Variants in SFXN5 observed in about 807,000 individuals in gnomAD.
SFXN5 encodes sideroflexin 5.
In SFXN5, 43 loss-of-function variants were observed where a neutral mutation model predicts 50.2. The ratio of observed to expected loss-of-function variants is 0.86; its 90% confidence interval spans 0.67 to 1.11. The LOEUF is 1.11. Ranked by LOEUF, SFXN5 falls within the 50% of genes least tolerant of loss-of-function variation. The pLI, the probability that SFXN5 is intolerant of heterozygous loss-of-function variation, is 0.00. For missense variants in SFXN5, 463 were observed against 454.1 expected (o/e 1.02, Z -0.18); for synonymous variants, 203 against 185.8 (o/e 1.09, Z -0.75).
chr2:72,950,188 T>C lies in SFXN5; in HGVS notation c.946-5089A>G, dbSNP rs1440254517. ...AGCGGAGGGAACAAGCCTGTGATGGTGGCCTTGGGGGACCAGCCCGAGGAG... is the reference window on the plus strand; with the variant it reads ...AGCGGAGGGAACAAGCCTGTGATGGCGGCCTTGGGGGACCAGCCCGAGGAG... On this transcript the variant is annotated intron_variant, in intron 13 of 13. Coordinates refer to ENST00000272433, the MANE Select transcript of SFXN5 (RefSeq NM_144579.3). The surrounding 1 kb of genome is among the most constrained non-coding windows in gnomAD (Gnocchi z 4.2). 6.6e-6 allele frequency among the ~76,000 whole-genome samples: 1 copy of C among 152,106 alleles called. No homozygotes were observed. Among genetic ancestry groups the C allele is most frequent in the Non-Finnish European group, 1.5e-5 (1 of 68,010 alleles).
At chr2:72,979,740 TTGAC>T (rs1188708494) in intron 10 of SFXN5, among the ~76,000 whole-genome samples, 1 of 152,218 alleles carries the variant, frequency 6.6e-6, no homozygotes, top group Non-Finnish European at 1.5e-5. Flanking sequence ...ACATCTAAAA[TTGAC>T]TGTGAGGTTA....
intron 1 of SFXN5, among the ~76,000 whole-genome samples, chr2:73,066,844 AAAAGAAAAG>A: frequency 7.4e-6 from 1 of 134,502 alleles, no homozygotes; most frequent in East Asian, 2.6e-4. Context: ...TCTACAAAAA[AAAAGAAAAG>A]AAAAGAAAAA....
intron 3 of SFXN5, among the ~76,000 whole-genome samples, chr2:73,036,307 G>A (rs1678969754): frequency 6.6e-6 from 1 of 150,820 alleles, no homozygotes; most frequent in South Asian, 2.1e-4. Context: ...GCCCAGGGAG[G>A]GAAGCATTTG....
chr2:73,021,546 C>A (rs1023278134), intron 5 of SFXN5, among the ~76,000 whole-genome samples: 8 of 152,190 alleles, frequency 5.3e-5, no homozygotes, highest in African/African-American at 1.7e-4. Flanking sequence ...CAGGGGGTCA[C>A]AGGGCACTCA....
intron 9 of SFXN5, among the ~76,000 whole-genome samples, chr2:72,988,622 C>T (rs1378193987): frequency 6.6e-6 from 1 of 152,100 alleles, no homozygotes; most frequent in Non-Finnish European, 1.5e-5. Flanking sequence ...CACACACATA[C>T]ACACACATTT....
At chr2:73,008,786 A>G (rs1203339602) in intron 6 of SFXN5, among the ~76,000 whole-genome samples, 4 of 152,220 alleles carry the variant, frequency 2.6e-5, no homozygotes, top group Non-Finnish European at 5.9e-5. Context: ...TCTTTGCCAC[A>G]CACCGAAGGG....
chr2:73,018,926 C>T (rs926135794), intron 6 of SFXN5, among the ~76,000 whole-genome samples: 7 of 152,140 alleles, frequency 4.6e-5, no homozygotes, highest in South Asian at 2.1e-4. Context: ...AATTTAGCTT[C>T]CTAGGTCTAT....
chr2:73,012,649 A>AACACACACACACACACACACACACAC (rs57635824), intron 6 of SFXN5, among the ~76,000 whole-genome samples: 1 of 125,858 alleles, frequency 7.9e-6, no homozygotes, highest in Non-Finnish European at 1.7e-5. Context: ...CTAGCCAAAC[A>AACACACACACACACACACACACACAC]ACACACACAC....
At chr2:72,984,286 G>A (rs779479634) in intron 10 of SFXN5, among the ~76,000 whole-genome samples, 2 of 152,236 alleles carry the variant, frequency 1.3e-5, no homozygotes, top group African/African-American at 2.4e-5. Flanking sequence ...GCTGCAGTGA[G>A]CATCCCAGGG....
At chr2:73,050,578 C>T (rs761696209) in intron 2 of SFXN5, among the ~76,000 whole-genome samples, 1 of 152,218 alleles carries the variant, frequency 6.6e-6, no homozygotes, top group South Asian at 2.1e-4. Context: ...GGGCAGTGAG[C>T]CCTGAAGTCC....
intron 6 of SFXN5, among the ~76,000 whole-genome samples, chr2:73,013,795 T>A (rs1675831934): frequency 6.6e-6 from 1 of 152,106 alleles, no homozygotes. Context: ...TTTGTGAAGA[T>A]GTTTTTAAAA....
chr2:72,987,805 G>C (rs1672095294), intron 10 of SFXN5, among the ~76,000 whole-genome samples: 1 of 152,132 alleles, frequency 6.6e-6, no homozygotes, highest in African/African-American at 2.4e-5. Context: ...AATTAGTGTT[G>C]AGCATAAATA....
chr2:72,978,815 G>GT (rs370223450), intron 10 of SFXN5, among the ~76,000 whole-genome samples: 1,669 of 149,564 alleles, frequency 0.011, 51 homozygotes, highest in Non-Finnish European at 8.9e-3. Context: ...GCCCAGATCT[G>GT]TTTTTTTTTT....
chr2:72,945,096 C>A lies in SFXN5; in HGVS notation c.949G>T (p.Glu317Ter). ...ATCTCCGGCTCTAATTGGGATGTTT[C>A]AATCTGTGGAGAGAGAACAGAGAGG... The part of the protein sequence containing the change: ...ISLFPQMSEI[E>*]TSQLEPEIAQ... Residue 317 changes from glutamate (E) to a stop codon, truncating the protein, a stop_gained, in exon 14 of 14, where the codon GAA becomes TAA. Transcript: ENST00000272433. LOFTEE classifies it high-confidence loss of function. The surrounding 1 kb of genome is among the most constrained non-coding windows in gnomAD (Gnocchi z 5.8). The A allele has an allele frequency of 6.2e-7, 1 of 1,613,786 alleles. No individual in the cohort carries two copies. The highest frequency in any genetic ancestry group is 8.5e-7 in the Non-Finnish European group (1 of 1,179,788).
rs916857937 is a variant in SFXN5, at chr2:72,960,175, C to T, written c.945+956G>A. ...TCTACTTCTATCCCTCCAGCCCAGG[C>T]GTCTCTCCTCATTCCAGACCCAGAG... On this transcript the variant is annotated intron_variant, in intron 13 of 13. Transcript: ENST00000272433. This position sits in a 1 kb window ranked among gnomAD's most constrained non-coding sequence, Gnocchi z 6.1. Among the ~76,000 whole-genome samples the T allele has an allele frequency of 6.6e-6, 1 of 152,062 alleles. No homozygotes were observed. Among genetic ancestry groups the T allele is most frequent in the African/African-American group, 2.4e-5 (1 of 41,398 alleles).
In SFXN5 at chr2:72,952,043, G is replaced by A. The variant is rs549325042; in HGVS notation, c.946-6944C>T. On this transcript the variant is annotated intron_variant, in intron 13 of 13. Transcript: ENST00000272433. Reference sequence around the variant, plus strand: ...TGGAGAGCAGAGGCATTAGGCTGGGGCTGGGGAGCAGTTGAGGCCTAAGCC... The same window carrying A: ...TGGAGAGCAGAGGCATTAGGCTGGGACTGGGGAGCAGTTGAGGCCTAAGCC... Among the ~76,000 whole-genome samples, 7 of 152,340 alleles carry A rather than the reference G, an allele frequency of 4.6e-5. No homozygotes were observed. The South Asian group carries it at 1.0e-3, about 23-fold the overall frequency.
At chr2:73,004,315 G>GCGCACA (rs777120545) in intron 6 of SFXN5, among the ~76,000 whole-genome samples, 16 of 115,666 alleles carry the variant, frequency 1.4e-4, no homozygotes, top group African/African-American at 3.8e-4. Flanking sequence ...GAGTGCGCGC[G>GCGCACA]CACACACACA....
At chr2:73,020,634 A>G in intron 5 of SFXN5, 1 of 211,026 alleles carries the variant, frequency 4.7e-6, no homozygotes. Context: ...CATGAGGCTG[A>G]ACATCCTCCA....
chr2:73,043,119 G>A (rs151208049), intron 2 of SFXN5, among the ~76,000 whole-genome samples: 1 of 152,180 alleles, frequency 6.6e-6, no homozygotes, highest in East Asian at 1.9e-4. Context: ...ACAATAAACA[G>A]ACAACAGTGA....
Sources: gnomAD v4.1 joint callset for allele counts (sites outside exome capture counted in the v4.1 genomes callset) on GRCh38, gnomAD v4.1.1 for gene constraint, Gnocchi (gnomAD v3.1) non-coding constraint, MANE v1.5 for transcripts, NCBI Gene and HGNC (gene_info 2026-07-23, HGNC 2026-07-21) for gene names.